The following STAT6 variants were observed in gnomAD, a reference collection of about 807,000 sequenced individuals.
STAT6 encodes the protein signal transducer and activator of transcription 6.
STAT6 carries 45 observed loss-of-function variants against 106.3 expected under a neutral mutation model. The ratio of observed to expected loss-of-function variants is 0.42; its 90% CI spans 0.33 to 0.54. The LOEUF is 0.54. Ranked by LOEUF, STAT6 falls within the 20% of genes least tolerant of loss-of-function variation. STAT6 has a pLI of 0.06. For missense variants in STAT6, 797 were observed against 1,062.2 expected (o/e 0.75, Z 3.47); for synonymous variants, 413 against 413.6 (o/e 1.00, Z 0.02).
chr12:57,110,748 G>A (rs1368633350), intron 1 of STAT6, among the ~76,000 whole-genome samples: 9 of 152,168 alleles, frequency 5.9e-5, no homozygotes, highest in Admixed American at 5.2e-4. Flanking sequence ...ACCTTTAGTG[G>A]AGGGCAGGAT....
intron 1 of STAT6, 49 bp from the exon 2 acceptor site, chr12:57,108,348 C>A: frequency 9.6e-7 from 1 of 1,040,604 alleles, no homozygotes; most frequent in Non-Finnish European, 1.5e-6. Flanking sequence ...AGAAACTTGG[C>A]CTATCTCCTG....
rs1592539871 is a variant in STAT6, at chr12:57,096,381, G to A, written c.*191C>T. On this transcript the variant is annotated 3_prime_UTR_variant, in exon 22 of 22. Transcript: ENST00000300134. ...GAAGGAGGTGGGCAGGGGAATGATA[G>A]AAAGGAAGGAGTGGATTGGCTCCAC... The A allele has an allele frequency of 1.1e-5, 7 of 611,878 alleles. No homozygotes were observed. In the East Asian group the frequency reaches 1.7e-4, roughly 15 times the overall value. 37.9% of individuals were successfully genotyped at this position (611,878 alleles called of 1,614,324 possible). A position where few individuals can be genotyped will look rare whatever the true frequency, so the allele number is the denominator to read the frequency against.
chr12:57,100,733 AGAAAGAAAGAAAGAAAAG>A, intron 13 of STAT6: 1 of 240,202 alleles, frequency 4.2e-6, no homozygotes, highest in Non-Finnish European at 8.7e-6. Flanking sequence ...AAAGAAAGAA[AGAAAGAAAGAAAGAAAAG>A]AAAAAAAAAC....
rs2033441000 is a variant in STAT6 at position 57,096,567 on chromosome 12, TG to T, written c.*4del. 6.3e-7 allele frequency: 1 copy of T among 1,580,562 alleles called. No homozygotes were observed. The highest frequency in any genetic ancestry group is 8.6e-7 in the Non-Finnish European group (1 of 1,165,488). On this transcript the variant is annotated 3_prime_UTR_variant, in exon 22 of 22. Transcript: ENST00000300134. ...TGTCTCTTTGGGTTCTCCCTCCAGC[TG>T]GGATCACCAACTGGGGTTGGCCCTT... is the stretch of plus-strand genomic sequence containing the variant.
In STAT6 at chr12:57,102,346, T is replaced by G. The variant is rs1402406862; in HGVS notation, c.1456A>C (p.Ser486Arg). 6.2e-7 allele frequency: 1 copy of G among 1,613,976 alleles called. No homozygotes were observed. The highest frequency in any genetic ancestry group is 1.3e-5 in the African/African-American group (1 of 74,894). Residue 486 changes from serine to arginine, a missense_variant, in exon 13 of 22, where the codon AGC becomes CGC. This residue lies in a region of STAT6 where 222 missense variants were observed against 354.6 expected (regional missense o/e 0.63). Transcript: ENST00000300134. The stretch of plus-strand genomic sequence containing the variant: ...TGCTGGAAGGCCTCCATACTGAGGC[T>G]GTTGTCATTGAAGATCTTCTGGGCC... Reference protein sequence around the residue: ...FLAQKIFNDNSLSMEAFQHRS... With the variant: ...FLAQKIFNDNRLSMEAFQHRS...
rs1233311562 is a variant in STAT6 at position 57,095,822 on chromosome 12, G to A, written c.*750C>T. On this transcript the variant is annotated 3_prime_UTR_variant, in exon 22 of 22. Coordinates refer to ENST00000300134, the MANE Select transcript of STAT6 (RefSeq NM_003153.5). ...GTTGTCACGTAGGCAAAAGCAGATAGACACATGTTCTATGTGGTCATGCAA... is the reference window on the plus strand; with the variant it reads ...GTTGTCACGTAGGCAAAAGCAGATAAACACATGTTCTATGTGGTCATGCAA... 6.6e-6 allele frequency: 1 copy of A among 152,238 alleles called. No homozygotes were observed. The highest frequency in any genetic ancestry group is 2.4e-5 in the African/African-American group (1 of 41,462). The allele number at this position is 152,238 out of a possible 1,614,324, so 9.4% of individuals were successfully genotyped here.
In STAT6 at chr12:57,096,457, G is replaced by T; in HGVS notation, c.*115C>A. ...TTTCCTCCTGACCCAGGAGTAGGTGGGGATAGGAGGGCACCCTCCCCATCT... is the reference window on the plus strand; with the variant it reads ...TTTCCTCCTGACCCAGGAGTAGGTGTGGATAGGAGGGCACCCTCCCCATCT... On this transcript the variant is annotated 3_prime_UTR_variant, in exon 22 of 22. Transcript: ENST00000300134. 1.0e-6 allele frequency: 1 copy of T among 979,646 alleles called. No homozygotes were observed. Among genetic ancestry groups the T allele is most frequent in the Non-Finnish European group, 1.5e-6 (1 of 660,588 alleles). 60.7% of individuals were successfully genotyped at this position (979,646 alleles called of 1,614,324 possible).
Position 57,104,205 on chromosome 12 carries a change from A to G in STAT6, c.1212+259T>C, listed in dbSNP as rs377170033. ...ACCAGACGTGTGTGTGCTGGCACGCATGTGCGTATGTATCATTTAATAGAG... is the reference window on the plus strand; with the variant it reads ...ACCAGACGTGTGTGTGCTGGCACGCGTGTGCGTATGTATCATTTAATAGAG... On this transcript the variant is annotated intron_variant, in intron 11 of 21. Coordinates refer to ENST00000300134, the MANE Select transcript of STAT6 (RefSeq NM_003153.5). The G allele has an allele frequency of 2.0e-3, 991 of 488,232 alleles. 19 individuals are homozygous for G. The South Asian group carries it at 0.023, about 12-fold the overall frequency. 30.2% of individuals were successfully genotyped at this position (488,232 alleles called of 1,614,324 possible).
Position 57,099,930 on chromosome 12 carries a change from G to T in STAT6, c.1608-27C>A. The T allele has an allele frequency of 6.2e-7, 1 of 1,614,242 alleles. No individual in the cohort carries two copies. Reference sequence around the variant, plus strand: ...TGGCCGGGATGAAGGAGAGGATGGGGCATGGGCAGTGAGTATGGAGGTGAC... The same window carrying T: ...TGGCCGGGATGAAGGAGAGGATGGGTCATGGGCAGTGAGTATGGAGGTGAC... On this transcript the variant is annotated intron_variant, in intron 14 of 21. Coordinates refer to ENST00000300134, the MANE Select transcript of STAT6 (RefSeq NM_003153.5). The surrounding 1 kb of genome is among the most constrained non-coding windows in gnomAD (Gnocchi z 4.7).
At chr12:57,103,464 A>AT (rs1347126173) in intron 11 of STAT6, 1 of 148,204 alleles carries the variant, frequency 6.7e-6, no homozygotes, top group Non-Finnish European at 1.5e-5. Flanking sequence ...TGCCCGGCCA[A>AT]TTTTTTATTT....
chr12:57,098,990 C>CATA, intron 17 of STAT6, 25 bp downstream of exon 17: 1 of 1,614,092 alleles, frequency 6.2e-7, no homozygotes, highest in Non-Finnish European at 8.5e-7. Context: ...CCTGACCTAC[C>CATA]CACTGTCCAT....
At chr12:57,097,724 G>A (rs1333555891) in intron 19 of STAT6, among the ~76,000 whole-genome samples, 4 of 152,124 alleles carry the variant, frequency 2.6e-5, no homozygotes, top group African/African-American at 7.2e-5. Flanking sequence ...AGGAGTTTGA[G>A]ACCAGCTTGG....
chr12:57,104,385 GA>G, intron 11 of STAT6, 78 bp downstream of exon 11: 2 of 1,536,518 alleles, frequency 1.3e-6, no homozygotes, highest in Non-Finnish European at 1.8e-6. Context: ...CACAAGAGGT[GA>G]GGGTCCAGGG....
chr12:57,100,079 C>T lies in STAT6; in HGVS notation c.1524G>A (p.Leu508=). ...ACTGCCAAAAGGTGAAGCCACGGCCCAGCAGGATCTCCTAGGGGGAGAGGG... is the reference window on the plus strand; with the variant it reads ...ACTGCCAAAAGGTGAAGCCACGGCCTAGCAGGATCTCCTAGGGGGAGAGGG... ...SWSQFNKEIL[L]GRGFTFWQWF... is the part of the protein sequence containing the mutation. The change falls in exon 14 of 22, where the codon CTG becomes CTA. Residue 508 remains leucine, a synonymous_variant. Transcript: ENST00000300134. The T allele has an allele frequency of 6.2e-7, 1 of 1,602,664 alleles. No homozygotes were observed. The highest frequency in any genetic ancestry group is 8.5e-7 in the Non-Finnish European group (1 of 1,174,494).
intron 11 of STAT6, 51 bp downstream of exon 11, chr12:57,104,413 T>C (rs999059121): frequency 1.9e-6 from 3 of 1,577,538 alleles, no homozygotes; most frequent in Non-Finnish European, 2.6e-6. Context: ...TGTGTGGCAT[T>C]GGAGGAGGAC....
chr12:57,106,306 C>T lies in STAT6; in HGVS notation c.565G>A (p.Glu189Lys), dbSNP rs1202130426. 1.2e-6 allele frequency: 2 copies of T among 1,614,132 alleles called. No homozygotes were observed. The highest frequency in any genetic ancestry group is 1.7e-6 in the Non-Finnish European group (2 of 1,180,052). ...LAMLLQETTG[E>K]LEAAKALVLK... ...ACTAGGGCTTTGGCTGCCTCTAGCT[C>T]TCCAGTGGTCTCCTGCAGTAGCATG... Residue 189 changes from glutamate (E) to lysine (K), a missense_variant, in exon 7 of 22, where the codon GAG becomes AAG. Physicochemically the swap from Glu to Lys is moderately conservative, Grantham distance 56. This residue lies in a region of STAT6 where 336 missense variants were observed against 429.8 expected (regional missense o/e 0.78). Coordinates refer to ENST00000300134, the MANE Select transcript of STAT6 (RefSeq NM_003153.5).
chr12:57,099,406 A>G lies in STAT6; in HGVS notation c.1779T>C (p.Ser593=). The change falls in exon 16 of 22, where the codon TCT becomes TCC. Residue 593 remains serine, a synonymous_variant. Coordinates refer to ENST00000300134, the MANE Select transcript of STAT6 (RefSeq NM_003153.5). This position sits in a 1 kb window ranked among gnomAD's most constrained non-coding sequence, Gnocchi z 4.7. ...SPQIENIQPF[S]AKDLSIRSLG... ...GTGAGCGAATGGACAGGTCTTTGGC[A>G]GAGAATGGCTGGATGTTCTCTATCT... is the stretch of plus-strand genomic sequence containing the variant. 1 of 1,614,174 alleles carries G rather than the reference A, an allele frequency of 6.2e-7. No individual in the cohort carries two copies. Among genetic ancestry groups the G allele is most frequent in the East Asian group, 2.2e-5 (1 of 44,884 alleles).
chr12:57,107,740 C>A lies in STAT6; in HGVS notation c.120G>T (p.Glu40Asp). The change falls in exon 3 of 22, where the codon GAG (glutamate) becomes GAT (aspartate). Residue 40 changes from glutamate to aspartate, a missense_variant. Transcript: ENST00000300134. ...AGAAGGCGTCGGAGCCGACCAGGAA[C>A]TCCCTGCAGGAAGATCAGGATGAGG... ...LGDWLESQPW[E>D]FLVGSDAFCC... The A allele has an allele frequency of 6.2e-7, 1 of 1,614,118 alleles. No homozygotes were observed. The highest frequency in any genetic ancestry group is 2.2e-5 in the East Asian group (1 of 44,880).
At position 57,102,283 on chromosome 12, in the gene STAT6, G is replaced by A; in HGVS notation, c.1512+7C>T. The A allele has an allele frequency of 6.2e-7, 1 of 1,613,976 alleles. No homozygotes were observed. The highest frequency in any genetic ancestry group is 8.5e-7 in the Non-Finnish European group (1 of 1,179,988). ...GGGGTGGGAGGTCCAAAGGGCAGGAGAATGACCTTGTTGAACTGCGACCAG... is the reference window on the plus strand; with the variant it reads ...GGGGTGGGAGGTCCAAAGGGCAGGAAAATGACCTTGTTGAACTGCGACCAG... On this transcript the variant is annotated splice_region_variant and intron_variant, in intron 13 of 21. Transcript: ENST00000300134.
Sources: allele counts gnomAD v4.1 joint callset (sites outside exome capture counted in the v4.1 genomes callset), GRCh38; gene constraint gnomAD v4.1.1; regional missense constraint gnomAD v4.1.1; non-coding constraint Gnocchi (gnomAD v3.1); transcripts MANE v1.5; gene names NCBI Gene and HGNC (gene_info 2026-07-23, HGNC 2026-07-21).